The following LIMCH1 variants were observed in gnomAD, a reference collection of about 807,000 sequenced individuals.
The protein encoded by LIMCH1 is LIM and calponin homology domains-containing protein 1.
LIMCH1 carries 113 observed loss-of-function variants against 176.5 expected under a neutral mutation model. The ratio of observed to expected loss-of-function variants is 0.64; its 90% CI spans 0.55 to 0.75. The LOEUF is 0.75. Among genes scored for constraint, LIMCH1 ranks in the 30% least tolerant of loss-of-function variants. The pLI is 0.00. For synonymous variants in LIMCH1, 619 were observed against 645.9 expected (o/e 0.96, Z 0.63); for missense variants, 1,674 against 1,814.9 (o/e 0.92, Z 1.41).
chr4:41,509,835 AAG>A (rs1199087369), intron 2 of LIMCH1, among the ~76,000 whole-genome samples: 3 of 152,126 alleles, frequency 2.0e-5, no homozygotes, highest in Non-Finnish European at 4.4e-5. Flanking sequence ...TCCTACTCAA[AAG>A]AGGGACTCAG....
chr4:41,689,448 G>T, intron 29 of LIMCH1, 79 bp from the exon 30 acceptor site: 3 of 726,672 alleles, frequency 4.1e-6, no homozygotes, highest in Middle Eastern at 2.5e-4. Context: ...TTTCATTTTT[G>T]CATGAGGTTA....
chr4:41,620,828 C>T (rs1388293748), intron 7 of LIMCH1, 138 bp downstream of exon 7: 3 of 990,454 alleles, frequency 3.0e-6, no homozygotes, highest in African/African-American at 3.3e-5. Context: ...CTGCTCTGAG[C>T]ACGTAGATGA....
chr4:41,550,185 G>A (rs949719260), intron 1 of LIMCH1, among the ~76,000 whole-genome samples: 1 of 151,460 alleles, frequency 6.6e-6, no homozygotes, highest in Non-Finnish European at 1.5e-5. Flanking sequence ...TGATTATCCT[G>A]TTTACAAGGT....
intron 1 of LIMCH1, among the ~76,000 whole-genome samples, chr4:41,465,433 G>A (rs1022378808): frequency 1.6e-4 from 25 of 152,206 alleles, no homozygotes; most frequent in African/African-American, 6.0e-4. Flanking sequence ...CAGGCCTTGA[G>A]TTAAAATCTC....
intron 2 of LIMCH1, among the ~76,000 whole-genome samples, chr4:41,523,176 A>T (rs1405186420): frequency 6.6e-6 from 1 of 152,200 alleles, no homozygotes; most frequent in Non-Finnish European, 1.5e-5. Context: ...TTTGTTACTG[A>T]TCTGTAGAAA....
chr4:41,670,640 C>T (rs1042359360), intron 21 of LIMCH1: 2 of 1,054,212 alleles, frequency 1.9e-6, no homozygotes, highest in Admixed American at 4.5e-5. Flanking sequence ...CCCTATAGTA[C>T]TTGGGAGCAT....
intron 1 of LIMCH1, among the ~76,000 whole-genome samples, chr4:41,445,996 TATAAC>T (rs1372414262): frequency 2.6e-5 from 4 of 152,200 alleles, no homozygotes; most frequent in Non-Finnish European, 4.4e-5. Context: ...AAAGCTCAAA[TATAAC>T]AGAACGAAGT....
At chr4:41,638,236 T>C (rs1173667117) in intron 13 of LIMCH1, among the ~76,000 whole-genome samples, 3 of 152,200 alleles carry the variant, frequency 2.0e-5, no homozygotes, top group African/African-American at 7.2e-5. Context: ...TCGCAGAGGG[T>C]ACAACTTTAT....
chr4:41,563,800 C>G (rs1245410262), intron 1 of LIMCH1, among the ~76,000 whole-genome samples: 1 of 152,158 alleles, frequency 6.6e-6, no homozygotes, highest in Non-Finnish European at 1.5e-5. Context: ...CACTAAAGTC[C>G]TAATATATCT....
intron 6 of LIMCH1, 49 bp from the exon 7 acceptor site, chr4:41,620,375 C>T (rs1257230352): frequency 2.0e-6 from 3 of 1,510,312 alleles, no homozygotes; most frequent in Non-Finnish European, 1.8e-6. Flanking sequence ...GGGGTCTGCT[C>T]CCCAGCCCAG....
intron 19 of LIMCH1, among the ~76,000 whole-genome samples, chr4:41,662,303 A>C (rs2152982116): frequency 6.6e-6 from 1 of 152,278 alleles, no homozygotes; most frequent in South Asian, 2.1e-4. Context: ...AGTGAACCTA[A>C]TTCTTCTTTA....
At chr4:41,558,991 G>A (rs2081689604) in intron 1 of LIMCH1, among the ~76,000 whole-genome samples, 1 of 152,090 alleles carries the variant, frequency 6.6e-6, no homozygotes. Flanking sequence ...AACACCTACA[G>A]ATTTTTGTTT....
chr4:41,557,381 CT>C (rs1382357087), intron 1 of LIMCH1, among the ~76,000 whole-genome samples: 1 of 152,096 alleles, frequency 6.6e-6, no homozygotes, highest in African/African-American at 2.4e-5. Flanking sequence ...AAAAATATAC[CT>C]AACTCCACTC....
In LIMCH1 at chr4:41,619,434, C is replaced by A; in HGVS notation, c.452C>A (p.Pro151His). 6.2e-7 allele frequency: 1 copy of A among 1,608,436 alleles called. No homozygotes were observed. Among genetic ancestry groups the A allele is most frequent in the South Asian group, 1.1e-5 (1 of 91,070 alleles). ...TATSPLGGERPFSFPETIEEE... is the reference protein window; with the variant it reads ...TATSPLGGERHFSFPETIEEE... ...ACCTCCCCGCTGGGTGGGGAGAGGC[C>A]CTTCAGGTAAGGCCTGAGCACCGCT... Residue 151 changes from proline to histidine, a missense_variant, in exon 6 of 32, where the codon CCC (proline) becomes CAC (histidine). Around this residue, in one of 3 missense-constraint regions of LIMCH1, gnomAD observed 655 missense variants for 692.2 expected, o/e 0.95. Transcript: ENST00000503057.
intron 1 of LIMCH1, among the ~76,000 whole-genome samples, chr4:41,413,334 T>G (rs1230088153): frequency 2.0e-5 from 3 of 151,690 alleles, no homozygotes; most frequent in African/African-American, 7.3e-5. Flanking sequence ...GTATCTACAA[T>G]TTGACTTTTT....
intron 1 of LIMCH1, among the ~76,000 whole-genome samples, chr4:41,549,597 A>G (rs531718016): frequency 9.9e-5 from 15 of 152,258 alleles, no homozygotes; most frequent in African/African-American, 3.6e-4. Flanking sequence ...AAGCTAAACA[A>G]TTTGGCCAAA....
At chr4:41,415,364 T>C (rs945943030) in intron 1 of LIMCH1, among the ~76,000 whole-genome samples, 1 of 152,132 alleles carries the variant, frequency 6.6e-6, no homozygotes, top group African/African-American at 2.4e-5. Flanking sequence ...TCTAGATAAA[T>C]AGATAAAATA....
At chr4:41,571,317 CT>C (rs1052453957) in intron 1 of LIMCH1, among the ~76,000 whole-genome samples, 4 of 152,000 alleles carry the variant, frequency 2.6e-5, no homozygotes, top group African/African-American at 9.7e-5. Flanking sequence ...GAAGGGATGA[CT>C]TTGACAAGGA....
chr4:41,494,506 T>A (rs776663723), intron 1 of LIMCH1: 4 of 1,567,880 alleles, frequency 2.6e-6, no homozygotes, highest in Non-Finnish European at 3.5e-6. Flanking sequence ...AAGAAAAACT[T>A]ATGTGCTCTT....
Sources: allele counts gnomAD v4.1 joint callset (sites outside exome capture counted in the v4.1 genomes callset), GRCh38; gene constraint gnomAD v4.1.1; regional missense constraint gnomAD v4.1.1; transcripts MANE v1.5; gene names NCBI Gene and HGNC (gene_info 2026-07-23, HGNC 2026-07-21).